The following ST6GALNAC3 variants were observed in gnomAD, a reference collection of about 807,000 sequenced individuals.
The protein encoded by ST6GALNAC3 is ST6 N-acetylgalactosaminide alpha-2,6-sialyltransferase 3.
Under a neutral mutation model 32.7 loss-of-function variants are expected in ST6GALNAC3, and 25 were observed. That is an observed-to-expected ratio of 0.76 (90% CI 0.56 to 1.07). The LOEUF (loss-of-function observed/expected upper bound fraction) is 1.07. Among genes scored for constraint, ST6GALNAC3 ranks in the 50% least tolerant of loss-of-function variants. The probability of loss-of-function intolerance (pLI) is 0.00; values close to 1 mark genes in which losing one functional copy is unlikely to be tolerated. For missense variants in ST6GALNAC3, 355 were observed against 382.4 expected, an observed-to-expected ratio of 0.93 and a Z score of 0.60; for synonymous variants, 129 against 133.1, an observed-to-expected ratio of 0.97 and a Z score of 0.21.
At chr1:76,425,049 C>G (rs1193173854) in intron 3 of ST6GALNAC3, among the ~76,000 whole-genome samples, 1 of 151,700 alleles carries the variant, frequency 6.6e-6, no homozygotes, top group East Asian at 1.9e-4. Flanking sequence ...GCAGATCACC[C>G]CGATGAAAAT....
At chr1:76,337,518 A>G (rs1647599269) in intron 2 of ST6GALNAC3, among the ~76,000 whole-genome samples, 1 of 151,598 alleles carries the variant, frequency 6.6e-6, no homozygotes, top group Non-Finnish European at 1.5e-5. Flanking sequence ...TGGAAGGAGG[A>G]CTTTTTCTTT....
chr1:76,414,955 A>C (rs1654514390), intron 3 of ST6GALNAC3, among the ~76,000 whole-genome samples: 1 of 151,964 alleles, frequency 6.6e-6, no homozygotes. Context: ...TATACATAGC[A>C]ATTGATTGAT....
intron 3 of ST6GALNAC3, among the ~76,000 whole-genome samples, chr1:76,461,004 G>A (rs1658240702): frequency 6.6e-6 from 1 of 152,186 alleles, no homozygotes; most frequent in Non-Finnish European, 1.5e-5. Flanking sequence ...AGGTGAGTAG[G>A]AGTAATGCCT....
At chr1:76,313,109 T>C (rs1483815943) in intron 1 of ST6GALNAC3, among the ~76,000 whole-genome samples, 1 of 152,054 alleles carries the variant, frequency 6.6e-6, no homozygotes, top group Non-Finnish European at 1.5e-5. Context: ...ACAGGCAGAG[T>C]TTCCTACTCA....
Position 76,080,509 on chromosome 1 carries a change from TG to T in ST6GALNAC3, c.18+5629del, listed in dbSNP as rs1646878677. On this transcript the variant is annotated intron_variant, in intron 1 of 4. Coordinates refer to ENST00000328299, the MANE Select transcript of ST6GALNAC3 (RefSeq NM_152996.4). ...TAAAATCTGGGGCCAATTTAAGATC[TG>T]GGGTTGGGGGGATGGGGAGATGAGA... Among the ~76,000 whole-genome samples, 5 of 150,780 alleles carry T rather than the reference TG, an allele frequency of 3.3e-5. No individual in the cohort carries two copies. The South Asian group carries it at 1.1e-3, about 32-fold the overall frequency.
intron 3 of ST6GALNAC3, among the ~76,000 whole-genome samples, chr1:76,621,856 T>C (rs1383908579): frequency 6.6e-6 from 1 of 152,066 alleles, no homozygotes; most frequent in Non-Finnish European, 1.5e-5. Flanking sequence ...ACTTTGCTGT[T>C]TTTATTTATC....
chr1:76,245,323 T>G (rs1657194387), intron 1 of ST6GALNAC3, among the ~76,000 whole-genome samples: 1 of 152,162 alleles, frequency 6.6e-6, no homozygotes, highest in Non-Finnish European at 1.5e-5. Context: ...CTTCTCTCTT[T>G]TCTTCTTTAT....
At chr1:76,544,815 A>G (rs768501636) in intron 3 of ST6GALNAC3, among the ~76,000 whole-genome samples, 20 of 152,248 alleles carry the variant, frequency 1.3e-4, no homozygotes, top group Admixed American at 2.6e-4. Context: ...AACATTTCAC[A>G]GGAATAAGCA....
chr1:76,452,236 C>T (rs1006985556), intron 3 of ST6GALNAC3, among the ~76,000 whole-genome samples: 14 of 152,112 alleles, frequency 9.2e-5, no homozygotes, highest in South Asian at 2.1e-4. Flanking sequence ...TGGAGTTTCC[C>T]TGCACAAGCT....
At chr1:76,235,265 G>C (rs1317179043) in intron 1 of ST6GALNAC3, among the ~76,000 whole-genome samples, 1 of 152,192 alleles carries the variant, frequency 6.6e-6, no homozygotes, top group African/African-American at 2.4e-5. Context: ...CAGCACTTTG[G>C]GAGGCTGAGA....
intron 1 of ST6GALNAC3, among the ~76,000 whole-genome samples, chr1:76,118,393 A>G (rs1648630365): frequency 6.6e-6 from 1 of 152,244 alleles, no homozygotes; most frequent in Non-Finnish European, 1.5e-5. Context: ...TTGAAACTTC[A>G]GTAAGTAAAT....
At chr1:76,605,181 T>C (rs1049891593) in intron 3 of ST6GALNAC3, among the ~76,000 whole-genome samples, 6 of 152,212 alleles carry the variant, frequency 3.9e-5, no homozygotes, top group African/African-American at 9.6e-5. Flanking sequence ...AGATTTTTGG[T>C]AGTTTAGAAA....
intron 1 of ST6GALNAC3, among the ~76,000 whole-genome samples, chr1:76,305,075 G>T (rs930814087): frequency 6.6e-6 from 1 of 152,052 alleles, no homozygotes; most frequent in Non-Finnish European, 1.5e-5. Flanking sequence ...GGTGGGATCT[G>T]AGTGAGGGCA....
At chr1:76,273,618 T>C (rs1164502480) in intron 1 of ST6GALNAC3, among the ~76,000 whole-genome samples, 1 of 152,094 alleles carries the variant, frequency 6.6e-6, no homozygotes, top group Non-Finnish European at 1.5e-5. Context: ...AAAGGTTAAA[T>C]AAAATTTTTA....
chr1:76,116,218 A>C (rs1648464379), intron 1 of ST6GALNAC3, among the ~76,000 whole-genome samples: 1 of 152,122 alleles, frequency 6.6e-6, no homozygotes. Flanking sequence ...ATGAAAAAAA[A>C]AGTTCAGGGA....
intron 2 of ST6GALNAC3, among the ~76,000 whole-genome samples, chr1:76,387,888 T>A (rs1045434039): frequency 2.7e-5 from 4 of 150,800 alleles, no homozygotes; most frequent in Non-Finnish European, 5.9e-5. Context: ...CTTCTATGAC[T>A]GAAAAAAAAT....
intron 3 of ST6GALNAC3, among the ~76,000 whole-genome samples, chr1:76,610,014 AT>A: frequency 6.6e-6 from 1 of 152,016 alleles, no homozygotes; most frequent in African/African-American, 2.4e-5. Flanking sequence ...ATGTACTGTC[AT>A]TTTTTTGTCT....
chr1:76,483,214 A>G (rs1165957657), intron 3 of ST6GALNAC3, among the ~76,000 whole-genome samples: 3 of 152,136 alleles, frequency 2.0e-5, no homozygotes, highest in Non-Finnish European at 4.4e-5. Context: ...TAGCAGCATG[A>G]TTTGTAATCC....
intron 1 of ST6GALNAC3, among the ~76,000 whole-genome samples, chr1:76,097,673 G>C (rs969599149): frequency 2.0e-5 from 3 of 152,112 alleles, no homozygotes; most frequent in Admixed American, 6.5e-5. Flanking sequence ...GTGGTGTATA[G>C]CTGTAGTTCA....
Sources: gnomAD v4.1 joint callset for allele counts (sites outside exome capture counted in the v4.1 genomes callset) on GRCh38, gnomAD v4.1.1 for gene constraint, MANE v1.5 for transcripts, NCBI Gene and HGNC (gene_info 2026-07-23, HGNC 2026-07-21) for gene names.